Variants in PIK3C2G observed in about 807,000 individuals in gnomAD.
The protein encoded by PIK3C2G is phosphatidylinositol-4-phosphate 3-kinase catalytic subunit type 2 gamma.
In PIK3C2G, 168 loss-of-function variants were observed where a neutral mutation model predicts 181.1. The observed-to-expected ratio is 0.93, with a 90% confidence interval of 0.82 to 1.05. The LOEUF is 1.05. Among genes scored for constraint, PIK3C2G ranks in the 50% least tolerant of loss-of-function variants. PIK3C2G has a pLI of 0.00. For missense variants in PIK3C2G, 1,869 were observed against 1,732.8 expected (o/e 1.08, Z -1.40); for synonymous variants, 573 against 592.2 (o/e 0.97, Z 0.47).
chr12:18,404,905 A>G (rs1944434016), intron 16 of PIK3C2G, among the ~76,000 whole-genome samples: 1 of 152,142 alleles, frequency 6.6e-6, no homozygotes, highest in Admixed American at 6.6e-5. Flanking sequence ...AGAATATTAG[A>G]TAGATAATAG....
the PIK3C2G span, chr12:18,683,484 A>C: frequency 6.8e-6 from 10 of 1,480,996 alleles, no homozygotes; most frequent in Non-Finnish European, 9.2e-6. Context: ...ACAAAAATTA[A>C]ATATTTGCAT....
intron 29 of PIK3C2G, among the ~76,000 whole-genome samples, chr12:18,572,810 A>T (rs777643411): frequency 3.3e-5 from 5 of 151,876 alleles, no homozygotes; most frequent in Non-Finnish European, 7.4e-5. Flanking sequence ...CATTCTGAGT[A>T]GCTTCTTCTG....
chr12:18,592,845 A>AT (rs1947156542), intron 29 of PIK3C2G, among the ~76,000 whole-genome samples: 1 of 151,960 alleles, frequency 6.6e-6, no homozygotes, highest in Admixed American at 6.6e-5. Context: ...GGAGGAACTA[A>AT]TAGAATCCAG....
chr12:18,609,185 C>T (rs879359068), intron 30 of PIK3C2G, among the ~76,000 whole-genome samples: 5 of 152,098 alleles, frequency 3.3e-5, no homozygotes, highest in Non-Finnish European at 7.4e-5. Context: ...AAAGGCCACA[C>T]TTTTAATCTC....
intron 20 of PIK3C2G, among the ~76,000 whole-genome samples, chr12:18,495,550 A>G (rs1940937025): frequency 6.6e-6 from 1 of 152,162 alleles, no homozygotes; most frequent in Non-Finnish European, 1.5e-5. Flanking sequence ...ATCTATCACA[A>G]AGATGTATGA....
intron 11 of PIK3C2G, among the ~76,000 whole-genome samples, chr12:18,361,375 C>CTT (rs1198705199): frequency 6.6e-6 from 1 of 151,918 alleles, no homozygotes; most frequent in African/African-American, 2.4e-5. Context: ...ATTTATACAA[C>CTT]TTTATTTTCT....
intron 18 of PIK3C2G, among the ~76,000 whole-genome samples, chr12:18,439,506 C>A (rs1049981411): frequency 1.3e-5 from 2 of 151,958 alleles, no homozygotes; most frequent in African/African-American, 4.8e-5. Context: ...GTTAGAAACT[C>A]CACCTCTGAC....
chr12:18,590,331 T>C (rs192983164), intron 29 of PIK3C2G, among the ~76,000 whole-genome samples: 3 of 152,000 alleles, frequency 2.0e-5, no homozygotes, highest in Admixed American at 1.3e-4. Flanking sequence ...GATTGATAGA[T>C]ATAATATGGG....
intron 11 of PIK3C2G, among the ~76,000 whole-genome samples, chr12:18,361,950 T>C (rs1348960504): frequency 2.0e-5 from 3 of 152,092 alleles, no homozygotes; most frequent in Non-Finnish European, 4.4e-5. Flanking sequence ...ATAGGACCTC[T>C]GGAACAATAA....
intron 15 of PIK3C2G, among the ~76,000 whole-genome samples, chr12:18,396,724 A>G (rs939954157): frequency 6.6e-6 from 1 of 151,628 alleles, no homozygotes; most frequent in African/African-American, 2.4e-5. Context: ...TAAATTATTT[A>G]ATAAAATTTT....
chr12:18,245,243 G>T (rs563146737), upstream of PIK3C2G, among the ~76,000 whole-genome samples: 11 of 151,932 alleles, frequency 7.2e-5, no homozygotes, highest in African/African-American at 2.4e-4. Context: ...AACAACGTTC[G>T]ATCCTTCATG....
chr12:18,622,569 GC>G (rs1290126515), intron 31 of PIK3C2G, among the ~76,000 whole-genome samples: 2 of 151,760 alleles, frequency 1.3e-5, no homozygotes, highest in Non-Finnish European at 3.0e-5. Flanking sequence ...TCATGTAAAT[GC>G]CCAGAAATGG....
At chr12:18,465,178 G>A (rs1369962814) in intron 18 of PIK3C2G, among the ~76,000 whole-genome samples, 1 of 151,754 alleles carries the variant, frequency 6.6e-6, no homozygotes, top group African/African-American at 2.4e-5. Context: ...AAAACCTTTT[G>A]GAAGTTCTTA....
intron 4 of PIK3C2G, among the ~76,000 whole-genome samples, chr12:18,293,451 T>C (rs1031765791): frequency 6.6e-6 from 1 of 152,194 alleles, no homozygotes; most frequent in African/African-American, 2.4e-5. Flanking sequence ...TTGCAGTTAA[T>C]TCAGAATCTT....
chr12:18,655,175 G>A, the PIK3C2G span, among the ~76,000 whole-genome samples: 6 of 152,000 alleles, frequency 3.9e-5, no homozygotes, highest in Admixed American at 2.0e-4. Context: ...GAGATCATAC[G>A]GTGAAAATAT....
chr12:18,525,709 A>G lies in PIK3C2G; in HGVS notation c.3324-12447A>G, dbSNP rs1224045969. On this transcript the variant is annotated intron_variant, in intron 24 of 32. Transcript: ENST00000538779. Reference sequence around the variant, plus strand: ...ACACCACATAAAATTGGCAAATGCCACAAATCAGAGCTTTTTTCCTAAGGA... The same window carrying G: ...ACACCACATAAAATTGGCAAATGCCGCAAATCAGAGCTTTTTTCCTAAGGA... Among the ~76,000 whole-genome samples, 6 of 152,214 alleles carry G rather than the reference A, an allele frequency of 3.9e-5. No homozygotes were observed. In the East Asian group the frequency reaches 1.2e-3, roughly 29 times the overall value.
chr12:18,637,400 A>ATT (rs35836229), intron 31 of PIK3C2G, among the ~76,000 whole-genome samples: 123,042 of 146,926 alleles, frequency 0.84, 52,276 homozygotes, highest in East Asian at 0.92. Flanking sequence ...TGACCTAGAT[A>ATT]TTTTTTTTTT....
chr12:18,492,025 G>C (rs1940619271), intron 20 of PIK3C2G, among the ~76,000 whole-genome samples: 1 of 152,144 alleles, frequency 6.6e-6, no homozygotes, highest in Non-Finnish European at 1.5e-5. Flanking sequence ...GTGTCATATA[G>C]TTTGTGATTT....
chr12:18,250,551 A>T (rs1314067556), intron 1 of PIK3C2G, among the ~76,000 whole-genome samples: 2 of 152,048 alleles, frequency 1.3e-5, no homozygotes, highest in Non-Finnish European at 2.9e-5. Flanking sequence ...TTTCCCTCAG[A>T]AACAAAGCAG....
Sources: allele counts gnomAD v4.1 joint callset (sites outside exome capture counted in the v4.1 genomes callset), GRCh38; gene constraint gnomAD v4.1.1; transcripts MANE v1.5; gene names NCBI Gene and HGNC (gene_info 2026-07-23, HGNC 2026-07-21).